The following GMIP variants were observed in gnomAD, a reference collection of about 807,000 sequenced individuals.
The protein encoded by GMIP is GEM interacting protein.
In GMIP, 54 loss-of-function variants were observed where a neutral mutation model predicts 105.3. The observed-to-expected ratio is 0.51, with a 90% CI of 0.41 to 0.64. GMIP has a LOEUF of 0.64. Among genes scored for constraint, GMIP ranks in the 30% least tolerant of loss-of-function variants. The pLI is 0.00. For synonymous variants in GMIP, 541 were observed against 560.8 expected, an observed-to-expected ratio of 0.96 and a Z score of 0.50; for missense variants, 1,110 against 1,319.4, an observed-to-expected ratio of 0.84 and a Z score of 2.46.
rs1482174358 is a variant in GMIP, at chr19:19,633,688, G to A, written c.2472+115C>T. 9.7e-6 allele frequency: 7 copies of A among 718,328 alleles called. 1 individual carries two copies. The highest frequency in any genetic ancestry group is 8.8e-4 in the Middle Eastern group (2 of 2,276). The allele number at this position is 718,328 out of a possible 1,614,324, so 44.5% of individuals were successfully genotyped here. On this transcript the variant is annotated intron_variant, in intron 19 of 20. Transcript: ENST00000203556. ...CCAGAATGAACATAAGTTAAATGAG[G>A]AAGGGAGGAAGAGAATGAAGGAAAT...
rs538574812 is a variant in GMIP at position 19,636,749 on chromosome 19, C to A, written c.1285G>T (p.Gly429Cys). 1.9e-6 allele frequency: 3 copies of A among 1,613,642 alleles called. No homozygotes were observed. In the South Asian group the frequency reaches 3.3e-5, roughly 18 times the overall value. ...PGSDVDSVGG[G>C]SESRSLDSPT... ...GAGTCCAGGGACCGAGACTCGCTGCCGCCACCCACGCTGTCCACATCGCTG... is the reference window on the plus strand; with the variant it reads ...GAGTCCAGGGACCGAGACTCGCTGCAGCCACCCACGCTGTCCACATCGCTG... Residue 429 changes from glycine (G) to cysteine (C), a missense_variant, in exon 13 of 21, where the codon GGC (glycine) becomes TGC (cysteine). Gly to Cys is a radical substitution (Grantham distance 159). Around this residue, in one of 3 missense-constraint regions of GMIP, gnomAD observed 667 missense variants for 773.2 expected, o/e 0.86. Transcript: ENST00000203556.
At position 19,637,662 on chromosome 19, in the gene GMIP, G is replaced by T; in HGVS notation, c.928-101C>A. The T allele has an allele frequency of 9.6e-7, 1 of 1,036,592 alleles. No individual in the cohort carries two copies. The highest frequency in any genetic ancestry group is 1.3e-6 in the Non-Finnish European group (1 of 742,264). 64.2% of individuals were successfully genotyped at this position (1,036,592 alleles called of 1,614,324 possible). On this transcript the variant is annotated intron_variant, in intron 10 of 20. Transcript: ENST00000203556. This position sits in a 1 kb window ranked among gnomAD's most constrained non-coding sequence, Gnocchi z 6.7. ...CTTGAGAGACGCGAACGTGGTCAGGGTTTGGGACGCACCTGGGCGGCTTAG... is the reference window on the plus strand; with the variant it reads ...CTTGAGAGACGCGAACGTGGTCAGGTTTTGGGACGCACCTGGGCGGCTTAG...
intron 2 of GMIP, 35 bp from the exon 3 acceptor site, chr19:19,642,086 C>T (rs745764481): frequency 1.0e-5 from 15 of 1,456,674 alleles, no homozygotes; most frequent in Admixed American, 1.7e-5. Context: ...TGCCACCTTA[C>T]ACCCAGTCTG....
chr19:19,642,172 A>G (rs1235260413), intron 2 of GMIP, 121 bp from the exon 3 acceptor site: 1 of 631,950 alleles, frequency 1.6e-6, no homozygotes, highest in South Asian at 2.0e-5. Context: ...TGTGTCTGGG[A>G]GGTCTGAAGA....
chr19:19,639,143 C>T (rs1209283999), intron 7 of GMIP, among the ~76,000 whole-genome samples: 1 of 151,848 alleles, frequency 6.6e-6, no homozygotes, highest in East Asian at 1.9e-4. Context: ...ACTATGTTGC[C>T]CAGGTTAGTC....
intron 7 of GMIP, 34 bp from the exon 8 acceptor site, chr19:19,638,516 G>A (rs761537357): frequency 1.3e-6 from 2 of 1,577,260 alleles, no homozygotes; most frequent in South Asian, 1.1e-5. Flanking sequence ...TGGAGACGCT[G>A]CCTTAGGGCC....
Position 19,630,175 on chromosome 19 carries a change from T to G in GMIP, c.2701A>C (p.Thr901Pro), listed in dbSNP as rs1287371602. 10 of 1,603,684 alleles carry G rather than the reference T, an allele frequency of 6.2e-6. No individual in the cohort carries two copies. The highest frequency in any genetic ancestry group is 8.5e-6 in the Non-Finnish European group (10 of 1,173,026). ...ASKLCEETPITSVPRGSLRGR... is the reference protein window; with the variant it reads ...ASKLCEETPIPSVPRGSLRGR... ...CGCAAACTCCCTCTGGGCACTGATG[T>G]GATGGGGGTCTCCTCGCACAGCTTG... Residue 901 changes from threonine to proline, a missense_variant, in exon 21 of 21, where the codon ACA becomes CCA. Physicochemically the swap from Thr to Pro is conservative, Grantham distance 38. Around this residue, in one of 3 missense-constraint regions of GMIP, gnomAD observed 394 missense variants for 450.5 expected, o/e 0.87. Transcript: ENST00000203556. This position sits in a 1 kb window ranked among gnomAD's most constrained non-coding sequence, Gnocchi z 4.8.
At position 19,629,917 on chromosome 19, in the gene GMIP, C is replaced by T. The variant is rs754311257; in HGVS notation, c.*46G>A. ...GGTGGGAGGTAGGGATATATGGGTC[C>T]GTCTTCACAATCTGGGCCTCTTCCT... On this transcript the variant is annotated 3_prime_UTR_variant, in exon 21 of 21. Transcript: ENST00000203556. 3.2e-6 allele frequency: 5 copies of T among 1,563,524 alleles called. No individual in the cohort carries two copies. Among genetic ancestry groups the T allele is most frequent in the East Asian group, 2.3e-5 (1 of 43,716 alleles).
rs538670153 is a variant in GMIP, at chr19:19,630,931, T to C, written c.2473-394A>G. On this transcript the variant is annotated intron_variant, in intron 19 of 20. Coordinates refer to ENST00000203556, the MANE Select transcript of GMIP (RefSeq NM_016573.4). This position sits in a 1 kb window ranked among gnomAD's most constrained non-coding sequence, Gnocchi z 4.8. ...AAGTGTACTGCTTGGCCAGGCATGG[T>C]GGTGCATGCCTGTAATCCCAGCACT... 1.3e-5 allele frequency among the ~76,000 whole-genome samples: 2 copies of C among 152,280 alleles called. No individual in the cohort carries two copies. The highest frequency in any genetic ancestry group is 2.9e-5 in the Non-Finnish European group (2 of 68,022).
rs2061828200 is a variant in GMIP, at chr19:19,634,375, T to C, written c.2084+132A>G. The C allele has an allele frequency of 9.9e-7, 1 of 1,006,644 alleles. No individual in the cohort carries two copies. The highest frequency in any genetic ancestry group is 2.4e-5 in the East Asian group (1 of 41,790). The allele number at this position is 1,006,644 out of a possible 1,614,324, so 62.4% of individuals were successfully genotyped here. ...GGTCAGTACCCAAAGTTATGAATCA[T>C]GGATTAAGGTTCAGAGTTCAGAAAA... is the stretch of plus-strand genomic sequence containing the variant. On this transcript the variant is annotated intron_variant, in intron 18 of 20. Transcript: ENST00000203556. This position sits in a 1 kb window ranked among gnomAD's most constrained non-coding sequence, Gnocchi z 6.1.
intron 19 of GMIP, among the ~76,000 whole-genome samples, chr19:19,632,070 C>A (rs1054793136): frequency 7.1e-6 from 1 of 141,280 alleles, no homozygotes; most frequent in Non-Finnish European, 1.5e-5. Flanking sequence ...GAGGGCGGAT[C>A]GCCTGAGGTC....
chr19:19,641,172 C>T (rs2061915100), intron 4 of GMIP, among the ~76,000 whole-genome samples: 2 of 152,258 alleles, frequency 1.3e-5, no homozygotes, highest in South Asian at 4.1e-4. Context: ...GCTCCGCCTC[C>T]TGGGTTCCCG....
At position 19,637,427 on chromosome 19, in the gene GMIP, G is replaced by C; in HGVS notation, c.1062C>G (p.Pro354=). ...CGGGCGGCGGGGGCGGCGGGGCCTC[G>C]GGCCGCAGCGCCCGTACAAACTCCT... is the stretch of plus-strand genomic sequence containing the variant. ...RYQEFVRALR[P]EAPPPPPPAF... is the part of the protein sequence containing the mutation. The change falls in exon 11 of 21, where the codon CCC becomes CCG. Residue 354 remains proline (P), a synonymous_variant. Transcript: ENST00000203556. The surrounding 1 kb of genome is among the most constrained non-coding windows in gnomAD (Gnocchi z 6.7). 6.7e-7 allele frequency: 1 copy of C among 1,492,480 alleles called. No homozygotes were observed. The allele number at this position is 1,492,480 out of a possible 1,614,324, so 92.5% of individuals were successfully genotyped here. A position where few individuals can be genotyped will look rare whatever the true frequency, so the allele number is the denominator to read the frequency against.
intron 19 of GMIP, among the ~76,000 whole-genome samples, chr19:19,633,539 C>T (rs977116681): frequency 1.3e-5 from 2 of 152,112 alleles, no homozygotes; most frequent in Non-Finnish European, 2.9e-5. Context: ...AATGCTTGGC[C>T]CAAAATACAT....
rs544499257 is a variant in GMIP, at chr19:19,640,430, C to T, written c.364+16G>A. ...GGACTGCCTGGTAACTGGGGCTGGG[C>T]GGAAGAGGTCCTCACCATAGCTGGC... On this transcript the variant is annotated intron_variant, in intron 5 of 20. Coordinates refer to ENST00000203556, the MANE Select transcript of GMIP (RefSeq NM_016573.4). The T allele has an allele frequency of 5.7e-5, 92 of 1,614,038 alleles. No individual in the cohort carries two copies. The South Asian group carries it at 8.2e-4, about 14-fold the overall frequency.
In GMIP at chr19:19,634,179, C is replaced by A. The variant is rs140486275; in HGVS notation, c.2096G>T (p.Arg699Leu). ...GGCAGACATCTTGTTTTCCATAAAT[C>A]GTGCAGCCACCCTGGGGATGGTGTG... ...LVAHLFRVAA[R>L]FMENKMSANN... Residue 699 changes from arginine to leucine, a missense_variant, in exon 19 of 21, where the codon CGA becomes CTA. By Grantham distance (102) the Arg-to-Leu change is moderately radical (BLOSUM62 -2). Around this residue, in one of 3 missense-constraint regions of GMIP, gnomAD observed 394 missense variants for 450.5 expected, o/e 0.87. Coordinates refer to ENST00000203556, the MANE Select transcript of GMIP (RefSeq NM_016573.4). The surrounding 1 kb of genome is among the most constrained non-coding windows in gnomAD (Gnocchi z 6.1). 1.9e-5 allele frequency: 30 copies of A among 1,597,366 alleles called. No homozygotes were observed. Among genetic ancestry groups the A allele is most frequent in the Non-Finnish European group, 2.5e-5 (29 of 1,169,646 alleles).
Position 19,637,749 on chromosome 19 carries a change from G to T in GMIP, c.927+171C>A, listed in dbSNP as rs1374696462. ...CAGAGCAGGGGCTGGTCATCCAGGG[G>T]ACAGGACCTCATGGGGCGGAGCCGA... On this transcript the variant is annotated intron_variant, in intron 10 of 20. Coordinates refer to ENST00000203556, the MANE Select transcript of GMIP (RefSeq NM_016573.4). The surrounding 1 kb of genome is among the most constrained non-coding windows in gnomAD (Gnocchi z 6.7). Among the ~76,000 whole-genome samples the T allele has an allele frequency of 2.0e-5, 3 of 152,198 alleles. No individual in the cohort carries two copies. Among genetic ancestry groups the T allele is most frequent in the African/African-American group, 7.2e-5 (3 of 41,454 alleles).
chr19:19,635,309 C>T lies in GMIP; in HGVS notation c.1561-96G>A. ...TCAAGGAATGGGGGCTCATGGGAGA[C>T]ATCAGGTTAGGGTGGGTCCCAGGGG... On this transcript the variant is annotated intron_variant, in intron 15 of 20. Transcript: ENST00000203556. This position sits in a 1 kb window ranked among gnomAD's most constrained non-coding sequence, Gnocchi z 4.7. 1 of 1,524,016 alleles carries T rather than the reference C, an allele frequency of 6.6e-7. No homozygotes were observed. The highest frequency in any genetic ancestry group is 1.8e-5 in the Admixed American group (1 of 56,766). 94.4% of individuals were successfully genotyped at this position (1,524,016 alleles called of 1,614,324 possible).
chr19:19,642,658 C>T, intron 1 of GMIP, 39 bp from the exon 2 acceptor site: 1 of 1,024,114 alleles, frequency 9.8e-7, no homozygotes, highest in South Asian at 1.4e-5. Flanking sequence ...TAACCACTGC[C>T]TCCCTCCACC....
Sources: gnomAD v4.1 joint callset for allele counts (sites outside exome capture counted in the v4.1 genomes callset) on GRCh38, gnomAD v4.1.1 for gene constraint, gnomAD v4.1.1 regional missense constraint, Gnocchi (gnomAD v3.1) non-coding constraint, MANE v1.5 for transcripts, NCBI Gene and HGNC (gene_info 2026-07-23, HGNC 2026-07-21) for gene names.